NCAM2: variants seen among roughly 807,000 people sequenced by gnomAD.
NCAM2 encodes N-CAM-2.
In NCAM2, 30 loss-of-function variants were observed where a neutral mutation model predicts 98.1. That is an observed-to-expected ratio of 0.31 (90% CI 0.23 to 0.41). The LOEUF is 0.41. Ranked by LOEUF, NCAM2 falls within the 10% of genes least tolerant of loss-of-function variation. The pLI is 1.00. For missense variants in NCAM2, 867 were observed against 1,005.8 expected, an observed-to-expected ratio of 0.86 and a Z score of 1.87; for synonymous variants, 368 against 342.4, an observed-to-expected ratio of 1.07 and a Z score of -0.83.
intron 8 of NCAM2, among the ~76,000 whole-genome samples, chr21:21,356,543 T>G (rs140564024): frequency 1.2e-3 from 179 of 152,292 alleles, no homozygotes; most frequent in African/African-American, 4.1e-3. Flanking sequence ...AAATAAATTT[T>G]ATAAAATATA....
chr21:21,307,295 T>C (rs1362566279), intron 5 of NCAM2, among the ~76,000 whole-genome samples: 1 of 152,154 alleles, frequency 6.6e-6, no homozygotes, highest in Non-Finnish European at 1.5e-5. Context: ...TAGTACGTGG[T>C]TTTCAGTCTT....
chr21:21,246,360 A>G (rs1428233903), intron 1 of NCAM2, among the ~76,000 whole-genome samples: 1 of 152,188 alleles, frequency 6.6e-6, no homozygotes, highest in Non-Finnish European at 1.5e-5. Context: ...TTGTTGTTTT[A>G]GGTGATTATT....
chr21:21,362,935 A>T (rs1376197164), intron 8 of NCAM2, among the ~76,000 whole-genome samples: 2 of 152,100 alleles, frequency 1.3e-5, no homozygotes, highest in Non-Finnish European at 2.9e-5. Context: ...ACTATAGTTG[A>T]TTTTCTATAT....
chr21:21,424,441 GT>G (rs1431999177), intron 11 of NCAM2, among the ~76,000 whole-genome samples: 3 of 152,144 alleles, frequency 2.0e-5, no homozygotes, highest in African/African-American at 4.8e-5. Context: ...TGAATCAAAG[GT>G]TTGGGAGAAC....
chr21:21,205,938 C>T (rs1349337825), intron 1 of NCAM2, among the ~76,000 whole-genome samples: 2 of 152,014 alleles, frequency 1.3e-5, no homozygotes, highest in Non-Finnish European at 2.9e-5. Context: ...AAAGCTTTGC[C>T]CTCATAACTT....
chr21:21,487,605 T>A (rs1569112476), intron 15 of NCAM2, among the ~76,000 whole-genome samples: 2 of 152,184 alleles, frequency 1.3e-5, no homozygotes, highest in Admixed American at 6.5e-5. Flanking sequence ...GATTTACTTA[T>A]GCATGATTGC....
chr21:21,437,118 A>G (rs1978472788), intron 12 of NCAM2, among the ~76,000 whole-genome samples: 1 of 152,034 alleles, frequency 6.6e-6, no homozygotes, highest in Admixed American at 6.6e-5. Flanking sequence ...AGTGTTTATG[A>G]GAGATTAACA....
chr21:21,286,513 C>T (rs2073106892), intron 4 of NCAM2, 101 bp downstream of exon 4: 2 of 1,276,318 alleles, frequency 1.6e-6, no homozygotes, highest in Non-Finnish European at 2.2e-6. Context: ...GAATTTTTGA[C>T]CCCAAATATT....
intron 1 of NCAM2, among the ~76,000 whole-genome samples, chr21:21,072,090 T>G (rs1269445190): frequency 6.6e-6 from 1 of 152,024 alleles, no homozygotes; most frequent in Non-Finnish European, 1.5e-5. Flanking sequence ...TTTTTTGTAT[T>G]TTTAGTAGAG....
intron 1 of NCAM2, among the ~76,000 whole-genome samples, chr21:21,230,494 C>T (rs532950626): frequency 3.3e-5 from 5 of 151,408 alleles, no homozygotes; most frequent in African/African-American, 1.2e-4. Flanking sequence ...CACTCTTTTT[C>T]GATCACCATA....
At chr21:21,508,808 CTTTTTTTTTTTTTTTTTT>C (rs764097299) in intron 15 of NCAM2, 25 bp from the exon 16 acceptor site, 18 of 410,252 alleles carry the variant, frequency 4.4e-5, no homozygotes, top group Admixed American at 2.2e-4. Flanking sequence ...ACTTTTTTTC[CTTTTTTTTTTTTTTTTTT>C]TTTTTTTTTT....
At chr21:21,145,622 GA>G (rs1266612136) in intron 1 of NCAM2, among the ~76,000 whole-genome samples, 2 of 152,062 alleles carry the variant, frequency 1.3e-5, no homozygotes, top group Non-Finnish European at 2.9e-5. Flanking sequence ...ACAATAAAAT[GA>G]AGCCAAAAAG....
intron 14 of NCAM2, among the ~76,000 whole-genome samples, chr21:21,473,330 G>GTA (rs1262874893): frequency 2.1e-5 from 3 of 143,902 alleles, no homozygotes; most frequent in East Asian, 4.0e-4. Flanking sequence ...ATGCTTGTGT[G>GTA]TATATATATG....
At chr21:21,490,655 C>T (rs1986773813) in intron 15 of NCAM2, among the ~76,000 whole-genome samples, 2 of 151,788 alleles carry the variant, frequency 1.3e-5, no homozygotes, top group South Asian at 4.2e-4. Flanking sequence ...GCAATTACAA[C>T]TACTGTTTTA....
chr21:21,510,596 A>AAC (rs1988307456), intron 16 of NCAM2, among the ~76,000 whole-genome samples: 1 of 228 alleles, frequency 4.4e-3, no homozygotes, highest in East Asian at 0.25. Flanking sequence ...TGTTTTATAG[A>AAC]CACATTTTGT....
At chr21:21,212,217 A>G (rs1424872746) in intron 1 of NCAM2, among the ~76,000 whole-genome samples, 1 of 152,234 alleles carries the variant, frequency 6.6e-6, no homozygotes, top group African/African-American at 2.4e-5. Flanking sequence ...ACCGAATATT[A>G]GTAATAAAAA....
intron 1 of NCAM2, among the ~76,000 whole-genome samples, chr21:21,131,151 A>G (rs571538355): frequency 2.6e-5 from 4 of 152,166 alleles, no homozygotes; most frequent in South Asian, 4.1e-4. Context: ...CACAGCTAAT[A>G]TAGACATTTC....
At chr21:21,056,515 T>TGTGTGTGTGTGTGTGC (rs1209993006) in intron 1 of NCAM2, among the ~76,000 whole-genome samples, 2 of 148,338 alleles carry the variant, frequency 1.3e-5, no homozygotes, top group East Asian at 4.0e-4. Context: ...TGTGTGTGTG[T>TGTGTGTGTGTGTGTGC]GTGTGTGTGC....
intron 3 of NCAM2, among the ~76,000 whole-genome samples, chr21:21,285,192 C>T (rs992096927): frequency 2.4e-4 from 36 of 151,790 alleles, no homozygotes; most frequent in African/African-American, 8.0e-4. Flanking sequence ...CAATGCCTTA[C>T]GATTAATAGG....
Sources: gnomAD v4.1 joint callset for allele counts (sites outside exome capture counted in the v4.1 genomes callset) on GRCh38, gnomAD v4.1.1 for gene constraint, MANE v1.5 for transcripts, NCBI Gene and HGNC (gene_info 2026-07-23, HGNC 2026-07-21) for gene names.